The following WDR35 variants were observed in gnomAD, a reference collection of about 807,000 sequenced individuals.
The protein encoded by WDR35 is WD repeat domain 35.
WDR35 carries 118 observed loss-of-function variants against 158.3 expected under a neutral mutation model. The ratio of observed to expected loss-of-function variants is 0.75; its 90% confidence interval spans 0.64 to 0.87. WDR35 has a LOEUF of 0.87. Among genes scored for constraint, WDR35 ranks in the 40% least tolerant of loss-of-function variants. WDR35 has a pLI of 0.00. For synonymous variants in WDR35, 448 were observed against 476.1 expected, an observed-to-expected ratio of 0.94 and a Z score of 0.77; for missense variants, 1,263 against 1,405.8, an observed-to-expected ratio of 0.90 and a Z score of 1.62.
At position 19,930,473 on chromosome 2, in the gene WDR35, C is replaced by G; in HGVS notation, c.3044G>C (p.Gly1015Ala). Residue 1015 changes from glycine (G) to alanine (A), a missense_variant, in exon 25 of 27, where the codon GGG (glycine) becomes GCG (alanine). By Grantham distance (60) the Gly-to-Ala change is moderately conservative. Coordinates refer to ENST00000281405, the MANE Select transcript of WDR35 (RefSeq NM_020779.4). The part of the protein sequence containing the change: ...TDRFTDNAWR[G>A]AEAYHFFILA... ...TATAAAGAAGTGGTAAGCCTCTGCC[C>G]CTCTCCATGCATTATCTGTGAAACG... The G allele has an allele frequency of 1.2e-6, 2 of 1,614,102 alleles. No individual in the cohort carries two copies. The highest frequency in any genetic ancestry group is 1.1e-5 in the South Asian group (1 of 91,076).
Position 19,933,453 on chromosome 2 carries a change from A to G in WDR35, c.2606T>C (p.Leu869Ser). The stretch of plus-strand genomic sequence containing the variant: ...TGCTGCCTTTGGTTGACTACATTTC[A>G]AAAATGCAGTCACTGCTTGTTCACA... ...GMCEQAVTAF[L>S]KCSQPKAAVD... Residue 869 changes from leucine (L) to serine (S), a missense_variant, in exon 22 of 27, where the codon TTG becomes TCG. By Grantham distance (145) the Leu-to-Ser change is moderately radical. Coordinates refer to ENST00000281405, the MANE Select transcript of WDR35 (RefSeq NM_020779.4). 6.2e-7 allele frequency: 1 copy of G among 1,614,014 alleles called. No individual in the cohort carries two copies. The highest frequency in any genetic ancestry group is 8.5e-7 in the Non-Finnish European group (1 of 1,179,952).
chr2:19,910,958 C>G lies in WDR35; in HGVS notation c.*2600G>C, dbSNP rs1042483110. The G allele has an allele frequency of 1.3e-5, 2 of 152,130 alleles. No homozygotes were observed. Among genetic ancestry groups the G allele is most frequent in the Non-Finnish European group, 2.9e-5 (2 of 68,030 alleles). 9.4% of individuals were successfully genotyped at this position (152,130 alleles called of 1,614,324 possible). ...ATATGCGCGCACACACACACGCACA[C>G]AAAATTAGGTCCACAAGGTATGAGA... On this transcript the variant is annotated 3_prime_UTR_variant, in exon 27 of 27. Transcript: ENST00000281405.
At chr2:19,985,899 G>GAAAAAA (rs70939024) in intron 2 of WDR35, among the ~76,000 whole-genome samples, 1 of 71,162 alleles carries the variant, frequency 1.4e-5, no homozygotes, top group Non-Finnish European at 2.9e-5. Context: ...CCCATCTCGG[G>GAAAAAA]AAAAAAAAAA....
In WDR35 at chr2:19,934,811, C is replaced by T. The variant is rs1324467646; in HGVS notation, c.2547+660G>A. Among the ~76,000 whole-genome samples, 1 of 152,004 alleles carries T rather than the reference C, an allele frequency of 6.6e-6. No individual in the cohort carries two copies. The highest frequency in any genetic ancestry group is 1.5e-5 in the Non-Finnish European group (1 of 67,992). ...TTCACAATAGGGAAAACTGAATTACCGTAATTCTATACTTATCTATTAACT... is the reference window on the plus strand; with the variant it reads ...TTCACAATAGGGAAAACTGAATTACTGTAATTCTATACTTATCTATTAACT... On this transcript the variant is annotated intron_variant, in intron 21 of 26. Coordinates refer to ENST00000281405, the MANE Select transcript of WDR35 (RefSeq NM_020779.4). This position sits in a 1 kb window ranked among gnomAD's most constrained non-coding sequence, Gnocchi z 4.6.
chr2:19,956,607 G>A (rs1049290426), intron 11 of WDR35, among the ~76,000 whole-genome samples: 6 of 149,790 alleles, frequency 4.0e-5, no homozygotes, highest in African/African-American at 1.2e-4. Flanking sequence ...TAGAGTACAC[G>A]CTTAATAATA....
chr2:19,933,807 C>G (rs891523556), intron 21 of WDR35, among the ~76,000 whole-genome samples: 1 of 152,100 alleles, frequency 6.6e-6, no homozygotes, highest in Non-Finnish European at 1.5e-5. Context: ...ATGTCAAGCT[C>G]CAAAACAAAT....
intron 16 of WDR35, among the ~76,000 whole-genome samples, chr2:19,943,646 G>A (rs570882337): frequency 6.6e-6 from 1 of 152,124 alleles, no homozygotes; most frequent in African/African-American, 2.4e-5. Context: ...GAGTCTGATT[G>A]ATGAAATTAT....
Position 19,953,990 on chromosome 2 carries a change from A to G in WDR35, c.1256-12T>C. The G allele has an allele frequency of 6.2e-7, 1 of 1,614,024 alleles. No homozygotes were observed. Among genetic ancestry groups the G allele is most frequent in the South Asian group, 1.1e-5 (1 of 91,084 alleles). On this transcript the variant is annotated splice_polypyrimidine_tract_variant and intron_variant, in intron 11 of 26. Transcript: ENST00000281405. Reference sequence around the variant, plus strand: ...AACAAACAATGGTACTGTTAAAAATAACATTAAGATAATTTACAGTTACAC... The same window carrying G: ...AACAAACAATGGTACTGTTAAAAATGACATTAAGATAATTTACAGTTACAC...
intron 25 of WDR35, among the ~76,000 whole-genome samples, chr2:19,926,605 C>T (rs757236387): frequency 6.6e-6 from 1 of 152,220 alleles, no homozygotes; most frequent in African/African-American, 2.4e-5. Flanking sequence ...ACAGCCCATA[C>T]ACAATTGAAT....
intron 25 of WDR35, among the ~76,000 whole-genome samples, chr2:19,922,741 C>T (rs1299390616): frequency 6.6e-6 from 1 of 152,122 alleles, no homozygotes; most frequent in Non-Finnish European, 1.5e-5. Context: ...AATTTAGTTT[C>T]ATGAATGTTG....
chr2:19,973,757 A>G (rs754330782), intron 7 of WDR35, 49 bp from the exon 8 acceptor site: 12 of 1,575,480 alleles, frequency 7.6e-6, no homozygotes, highest in South Asian at 1.1e-5. Flanking sequence ...TACGTAGCCT[A>G]GAGAACTTTA....
At chr2:19,986,514 A>C (rs570213428) in intron 2 of WDR35, among the ~76,000 whole-genome samples, 5 of 152,350 alleles carry the variant, frequency 3.3e-5, no homozygotes, top group Admixed American at 3.3e-4. Context: ...CAATAACTTA[A>C]ACATTCTGAA....
At chr2:19,958,151 C>A (rs1572347628) in intron 11 of WDR35, among the ~76,000 whole-genome samples, 3 of 152,122 alleles carry the variant, frequency 2.0e-5, no homozygotes, top group African/African-American at 4.8e-5. Context: ...TATGGAAAAC[C>A]TAGTGCACGT....
In WDR35 at chr2:19,990,026, C is replaced by T. The variant is rs1167012984; in HGVS notation, c.-11G>A. The stretch of plus-strand genomic sequence containing the variant: ...CAGGTAGAAGAACATCGTGGGATCC[C>T]CGAGAGGGTCACGGCGGCCGCTAAG... On this transcript the variant is annotated 5_prime_UTR_variant, in exon 1 of 27. Transcript: ENST00000281405. 2 of 1,613,706 alleles carry T rather than the reference C, an allele frequency of 1.2e-6. No homozygotes were observed. The highest frequency in any genetic ancestry group is 1.7e-6 in the Non-Finnish European group (2 of 1,179,904).
At position 19,978,820 on chromosome 2, in the gene WDR35, A is replaced by G. The variant is rs753374320; in HGVS notation, c.367T>C (p.Trp123Arg). Residue 123 changes from tryptophan (W) to arginine (R), a missense_variant, in exon 5 of 27, where the codon TGG (tryptophan) becomes CGG (arginine). Transcript: ENST00000281405. ...RNKSVVRSMS[W>R]NADGQKICIV... ...CAGATCTTCTGTCCGTCAGCATTCCAGCTCATACTGCGAACAACTGATTTA... is the reference window on the plus strand; with the variant it reads ...CAGATCTTCTGTCCGTCAGCATTCCGGCTCATACTGCGAACAACTGATTTA... 1.9e-6 allele frequency: 3 copies of G among 1,613,910 alleles called. No individual in the cohort carries two copies. Among genetic ancestry groups the G allele is most frequent in the South Asian group, 1.1e-5 (1 of 91,082 alleles).
intron 11 of WDR35, among the ~76,000 whole-genome samples, chr2:19,959,897 G>A (rs1671579500): frequency 6.6e-6 from 1 of 151,942 alleles, no homozygotes. Context: ...ACAGTGAAAT[G>A]GCAACAAAAT....
intron 11 of WDR35, among the ~76,000 whole-genome samples, chr2:19,955,241 C>A (rs539127351): frequency 6.6e-6 from 1 of 152,270 alleles, no homozygotes; most frequent in Admixed American, 6.5e-5. Flanking sequence ...TGAGCCACCC[C>A]GCCTGGCCAC....
intron 3 of WDR35, 35 bp from the exon 4 acceptor site, chr2:19,980,818 G>A (rs759441306): frequency 6.3e-7 from 1 of 1,579,102 alleles, no homozygotes; most frequent in South Asian, 1.1e-5. Context: ...AAACTTAAAG[G>A]TTACAATTAA....
At chr2:19,975,474 A>G in intron 6 of WDR35, 56 bp downstream of exon 6, 1 of 1,543,192 alleles carries the variant, frequency 6.5e-7, no homozygotes, top group Non-Finnish European at 8.9e-7. Context: ...CATGAATGAT[A>G]TGTACGATAA....
Sources: allele counts gnomAD v4.1 joint callset (sites outside exome capture counted in the v4.1 genomes callset), GRCh38; gene constraint gnomAD v4.1.1; non-coding constraint Gnocchi (gnomAD v3.1); transcripts MANE v1.5; gene names NCBI Gene and HGNC (gene_info 2026-07-23, HGNC 2026-07-21).